CCBE1: variants seen among roughly 807,000 people sequenced by gnomAD.
CCBE1 encodes collagen and calcium-binding EGF domain-containing protein 1.
Under a neutral mutation model 50.0 loss-of-function variants are expected in CCBE1, and 37 were observed. The ratio of observed to expected loss-of-function variants is 0.74; its 90% CI spans 0.57 to 0.97. CCBE1 has a LOEUF of 0.97. CCBE1 is among the 50% of genes least tolerant of loss of function. The probability of loss-of-function intolerance (pLI) is 0.00; values close to 1 mark genes in which losing one functional copy is unlikely to be tolerated. For synonymous variants in CCBE1, 234 were observed against 203.7 expected, an observed-to-expected ratio of 1.15 and a Z score of -1.27; for missense variants, 538 against 523.8, an observed-to-expected ratio of 1.03 and a Z score of -0.26.
intron 2 of CCBE1, among the ~76,000 whole-genome samples, chr18:59,556,215 A>G (rs2052654715): frequency 6.6e-6 from 1 of 152,200 alleles, no homozygotes; most frequent in East Asian, 1.9e-4. Flanking sequence ...TGCATGAAAT[A>G]CAGACAAGGT....
At position 59,582,994 on chromosome 18, in the gene CCBE1, T is replaced by A. The variant is rs183647378; in HGVS notation, c.213-102756A>T. ...ACCATGCCCAACTAAATAAAAAAAA[T>A]TTTCTTTTTGTAGAGATGGGATCTA... is the stretch of plus-strand genomic sequence containing the variant. On this transcript the variant is annotated intron_variant, in intron 2 of 10. Coordinates refer to ENST00000439986, the MANE Select transcript of CCBE1 (RefSeq NM_133459.4). Among the ~76,000 whole-genome samples the A allele has an allele frequency of 7.2e-5, 11 of 152,122 alleles. No homozygotes were observed. The East Asian group carries it at 9.7e-4, about 13-fold the overall frequency.
At chr18:59,556,016 C>T (rs1283607997) in intron 2 of CCBE1, among the ~76,000 whole-genome samples, 1 of 152,192 alleles carries the variant, frequency 6.6e-6, no homozygotes, top group African/African-American at 2.4e-5. Context: ...TTCAGATTCT[C>T]ATCTTTTTCA....
At position 59,697,283 on chromosome 18, in the gene CCBE1, C is replaced by G. The variant is rs2054822706; in HGVS notation, c.60G>C (p.Leu20=). The stretch of plus-strand genomic sequence containing the variant: ...ACGCCAGGAGCAGCAGCAGCGGACC[C>G]AGGCTCCTGCCCAGCTGGCCCCTGG... ...GAARGQLGRS[L]GPLLLLLALG... The change falls in exon 1 of 11, where the codon CTG becomes CTC. Residue 20 remains leucine, a synonymous_variant. Coordinates refer to ENST00000439986, the MANE Select transcript of CCBE1 (RefSeq NM_133459.4). 2 of 1,549,236 alleles carry G rather than the reference C, an allele frequency of 1.3e-6. No individual in the cohort carries two copies. Among genetic ancestry groups the G allele is most frequent in the Non-Finnish European group, 1.7e-6 (2 of 1,146,788 alleles).
intron 2 of CCBE1, among the ~76,000 whole-genome samples, chr18:59,514,103 T>A (rs1375653810): frequency 6.6e-6 from 1 of 152,196 alleles, no homozygotes; most frequent in Non-Finnish European, 1.5e-5. Context: ...ATCGCAAATT[T>A]GTAAAGTCAG....
At position 59,455,927 on chromosome 18, in the gene CCBE1, C is replaced by T. The variant is rs539251949; in HGVS notation, c.554-976G>A. ...TGTGTGACATAATAACCACGACTAT[C>T]TAGAACGCAGACTGGGGAAGTCGGG... On this transcript the variant is annotated intron_variant, in intron 5 of 10. Coordinates refer to ENST00000439986, the MANE Select transcript of CCBE1 (RefSeq NM_133459.4). Among the ~76,000 whole-genome samples, 23 of 151,518 alleles carry T rather than the reference C, an allele frequency of 1.5e-4. No individual in the cohort carries two copies. The South Asian group carries it at 4.8e-3, about 31-fold the overall frequency.
chr18:59,482,017 A>G (rs1029243671), intron 2 of CCBE1, among the ~76,000 whole-genome samples: 6 of 152,142 alleles, frequency 3.9e-5, no homozygotes, highest in Non-Finnish European at 8.8e-5. Context: ...TGCATGCGTT[A>G]GGTATTTGTC....
At chr18:59,638,522 C>G (rs901990363) in intron 2 of CCBE1, among the ~76,000 whole-genome samples, 1 of 152,184 alleles carries the variant, frequency 6.6e-6, no homozygotes, top group Non-Finnish European at 1.5e-5. Flanking sequence ...TGAAGCTCAG[C>G]AGCCTGTGTT....
intron 2 of CCBE1, among the ~76,000 whole-genome samples, chr18:59,648,534 C>T (rs954843897): frequency 2.0e-5 from 3 of 152,160 alleles, no homozygotes; most frequent in Non-Finnish European, 4.4e-5. Flanking sequence ...GAGAAAACCC[C>T]ATCTTTACTA....
intron 2 of CCBE1, among the ~76,000 whole-genome samples, chr18:59,643,656 C>T (rs1360840141): frequency 6.6e-6 from 1 of 152,210 alleles, no homozygotes; most frequent in African/African-American, 2.4e-5. Flanking sequence ...CAAGTGTCTG[C>T]TAAAAATACA....
chr18:59,693,295 C>T (rs1472469274), intron 2 of CCBE1, among the ~76,000 whole-genome samples: 1 of 152,112 alleles, frequency 6.6e-6, no homozygotes. Context: ...TTATGTAATG[C>T]AAAATTTTTT....
At chr18:59,466,621 AT>A (rs1243109967) in intron 5 of CCBE1, 117 bp downstream of exon 5, 17 of 452,052 alleles carry the variant, frequency 3.8e-5, no homozygotes, top group Non-Finnish European at 4.3e-5. Context: ...TTACATAAAT[AT>A]ATTTATATAT....
At chr18:59,469,628 C>A in intron 3 of CCBE1, 21 bp from the exon 4 acceptor site, 1 of 1,613,840 alleles carries the variant, frequency 6.2e-7, no homozygotes, top group Non-Finnish European at 8.5e-7. Flanking sequence ...AAAGTGAGAG[C>A]TCACATCAAC....
chr18:59,592,692 G>C (rs75671873), intron 2 of CCBE1, among the ~76,000 whole-genome samples: 2,774 of 152,330 alleles, frequency 0.018, 37 homozygotes, highest in Non-Finnish European at 0.031. Flanking sequence ...ATAAACTAAT[G>C]AGATTGGTGG....
intron 2 of CCBE1, among the ~76,000 whole-genome samples, chr18:59,603,250 C>T (rs903965304): frequency 6.6e-6 from 1 of 152,136 alleles, no homozygotes; most frequent in Non-Finnish European, 1.5e-5. Context: ...TAGAATTTGG[C>T]CCCTGGGGCT....
intron 2 of CCBE1, among the ~76,000 whole-genome samples, chr18:59,624,807 A>C (rs2053758439): frequency 6.6e-6 from 1 of 152,098 alleles, no homozygotes; most frequent in African/African-American, 2.4e-5. Context: ...TGTTTACCAA[A>C]CCTCAGTTAT....
chr18:59,588,861 G>T (rs527928344), intron 2 of CCBE1, among the ~76,000 whole-genome samples: 44 of 152,272 alleles, frequency 2.9e-4, no homozygotes, highest in African/African-American at 1.1e-3. Flanking sequence ...CACCTCAAAG[G>T]CTCCCCTGAT....
chr18:59,574,171 T>TCA (rs2052956843), intron 2 of CCBE1, among the ~76,000 whole-genome samples: 1 of 152,078 alleles, frequency 6.6e-6, no homozygotes, highest in Non-Finnish European at 1.5e-5. Context: ...CCATGTGATC[T>TCA]GATTATAATA....
chr18:59,587,847 T>C (rs2053200274), intron 2 of CCBE1, among the ~76,000 whole-genome samples: 1 of 152,228 alleles, frequency 6.6e-6, no homozygotes, highest in Admixed American at 6.5e-5. Flanking sequence ...AAATTTATAC[T>C]TGAAATCAAT....
chr18:59,684,003 A>C (rs1271705108), intron 2 of CCBE1, among the ~76,000 whole-genome samples: 1 of 152,026 alleles, frequency 6.6e-6, no homozygotes, highest in African/African-American at 2.4e-5. Context: ...TTCAGCCTAG[A>C]GCACCCTTTT....
Sources: allele counts gnomAD v4.1 joint callset (sites outside exome capture counted in the v4.1 genomes callset), GRCh38; gene constraint gnomAD v4.1.1; transcripts MANE v1.5; gene names NCBI Gene and HGNC (gene_info 2026-07-23, HGNC 2026-07-21).